The following LPP variants were observed in gnomAD, a reference collection of about 807,000 sequenced individuals.
LPP encodes lipoma-preferred partner.
In LPP, 38 loss-of-function variants were observed where a neutral mutation model predicts 60.4. The ratio of observed to expected loss-of-function variants is 0.63; its 90% CI spans 0.49 to 0.83. The LOEUF (loss-of-function observed/expected upper bound fraction) is 0.83. LPP is among the 40% of genes least tolerant of loss of function. The probability of loss-of-function intolerance (pLI) is 0.00; values close to 1 mark genes in which losing one functional copy is unlikely to be tolerated. For synonymous variants in LPP, 328 were observed against 290.8 expected (o/e 1.13, Z -1.30); for missense variants, 902 against 783.6 (o/e 1.15, Z -1.80).
At position 188,497,869 on chromosome 3, in the gene LPP, GA is replaced by G. The variant is rs148299255; in HGVS notation, c.306+13166del. On this transcript the variant is annotated intron_variant, in intron 5 of 11. Transcript: ENST00000617246. ...AGTAATTCTCTTCTTGCCCAGTGGG[GA>G]TAGAAACCAGTTTTGGGCCACGGCA... Among the ~76,000 whole-genome samples, 308 of 152,210 alleles carry G rather than the reference GA, an allele frequency of 2.0e-3. 1 individual carries two copies. The highest frequency in any genetic ancestry group is 7.1e-3 in the African/African-American group (294 of 41,520).
intron 4 of LPP, among the ~76,000 whole-genome samples, chr3:188,478,014 T>C (rs1803684184): frequency 6.6e-6 from 1 of 152,208 alleles, no homozygotes; most frequent in African/African-American, 2.4e-5. Context: ...AAGTGAAGTC[T>C]TCCTTTATTT....
chr3:188,310,264 T>C (rs1399480895), intron 2 of LPP, among the ~76,000 whole-genome samples: 1 of 151,888 alleles, frequency 6.6e-6, no homozygotes, highest in East Asian at 1.9e-4. Context: ...AAGTTGGCCT[T>C]TTGGGATATT....
intron 4 of LPP, among the ~76,000 whole-genome samples, chr3:188,428,756 T>C (rs1790160113): frequency 6.6e-6 from 1 of 152,138 alleles, no homozygotes; most frequent in Non-Finnish European, 1.5e-5. Flanking sequence ...TTAAGGAAGT[T>C]CTGATTTTTT....
At chr3:188,484,739 G>C in intron 5 of LPP, 35 bp downstream of exon 5, 2 of 1,503,636 alleles carry the variant, frequency 1.3e-6, no homozygotes, top group Non-Finnish European at 1.9e-6. Context: ...TTAGGTAAGA[G>C]CTGAAGTTAA....
chr3:188,600,564 A>G (rs1840940235), intron 6 of LPP, among the ~76,000 whole-genome samples: 1 of 152,060 alleles, frequency 6.6e-6, no homozygotes, highest in African/African-American at 2.4e-5. Flanking sequence ...TATACATAAT[A>G]CAGAATTTCA....
chr3:188,332,542 T>G (rs1760400741), intron 2 of LPP, among the ~76,000 whole-genome samples: 1 of 152,242 alleles, frequency 6.6e-6, no homozygotes, highest in Non-Finnish European at 1.5e-5. Context: ...ATTCATTGAA[T>G]GTTCTTTTGA....
chr3:188,743,868 G>T (rs140633415), intron 8 of LPP: 111 of 152,242 alleles, frequency 7.3e-4, no homozygotes, highest in African/African-American at 2.6e-3. Flanking sequence ...TTGATTCATA[G>T]ATTATTGAGC....
chr3:188,455,892 T>G (rs2030523), intron 4 of LPP, among the ~76,000 whole-genome samples: 1 of 151,680 alleles, frequency 6.6e-6, no homozygotes, highest in African/African-American at 2.4e-5. Context: ...TAAAAAAAAA[T>G]TTTTTTATTT....
intron 9 of LPP, among the ~76,000 whole-genome samples, chr3:188,804,255 A>ATATATATATAT (rs1748318607): frequency 9.1e-6 from 1 of 109,570 alleles, no homozygotes; most frequent in African/African-American, 3.6e-5. Context: ...ATATATATAT[A>ATATATATATAT]TATATATATA....
At chr3:188,197,187 A>T (rs1360635680) in intron 1 of LPP, among the ~76,000 whole-genome samples, 2 of 152,190 alleles carry the variant, frequency 1.3e-5, no homozygotes, top group East Asian at 3.9e-4. Context: ...GAATGGTGAC[A>T]TTTAAGATTG....
chr3:188,862,724 T>A (rs55647818), intron 9 of LPP, among the ~76,000 whole-genome samples: 14,942 of 71,136 alleles, frequency 0.21, 1,501 homozygotes, highest in East Asian at 0.58. Flanking sequence ...AAAAAATAAA[T>A]AAATAAATAA....
At chr3:188,421,931 G>A (rs751654024) in intron 4 of LPP, among the ~76,000 whole-genome samples, 87 of 152,222 alleles carry the variant, frequency 5.7e-4, no homozygotes, top group African/African-American at 2.0e-3. Context: ...TACCCCACCC[G>A]TATTTCTTAT....
At chr3:188,225,293 A>C (rs1577381312) in intron 1 of LPP, 112 bp from the exon 2 acceptor site, 1 of 152,202 alleles carries the variant, frequency 6.6e-6, no homozygotes, top group East Asian at 1.9e-4. Context: ...CTAGGAGTTT[A>C]GGAGGTATAG....
At chr3:188,272,651 G>A (rs575687359) in intron 2 of LPP, among the ~76,000 whole-genome samples, 1 of 152,292 alleles carries the variant, frequency 6.6e-6, no homozygotes, top group South Asian at 2.1e-4. Context: ...AATGAATCAG[G>A]ATGCTGGGGT....
chr3:188,279,539 A>G (rs1039320847), intron 2 of LPP, among the ~76,000 whole-genome samples: 1 of 152,240 alleles, frequency 6.6e-6, no homozygotes, highest in Admixed American at 6.5e-5. Flanking sequence ...ATATGCTTTC[A>G]GATTCATTTT....
At chr3:188,551,968 G>T (rs1026397549) in intron 6 of LPP, among the ~76,000 whole-genome samples, 1 of 151,946 alleles carries the variant, frequency 6.6e-6, no homozygotes, top group East Asian at 1.9e-4. Context: ...GTCAAGCAAA[G>T]GAGTTTGTGC....
At chr3:188,614,946 T>G (rs565519089) in intron 7 of LPP, among the ~76,000 whole-genome samples, 1 of 152,186 alleles carries the variant, frequency 6.6e-6, no homozygotes, top group South Asian at 2.1e-4. Flanking sequence ...TCACATAAAA[T>G]TTGTCCCGAG....
At chr3:188,241,825 T>A (rs570871256) in intron 2 of LPP, among the ~76,000 whole-genome samples, 1 of 152,112 alleles carries the variant, frequency 6.6e-6, no homozygotes, top group Non-Finnish European at 1.5e-5. Context: ...TCCCTATAAC[T>A]TCAAAGAGTA....
intron 4 of LPP, among the ~76,000 whole-genome samples, chr3:188,445,612 A>G (rs781469881): frequency 1.3e-5 from 2 of 152,108 alleles, no homozygotes; most frequent in Non-Finnish European, 2.9e-5. Flanking sequence ...CGTTCTGCAC[A>G]TGTATCCCAG....
Sources: gnomAD v4.1 joint callset for allele counts (sites outside exome capture counted in the v4.1 genomes callset) on GRCh38, gnomAD v4.1.1 for gene constraint, MANE v1.5 for transcripts, NCBI Gene and HGNC (gene_info 2026-07-23, HGNC 2026-07-21) for gene names.